Variants in SLC28A1 observed in about 807,000 individuals in gnomAD.
SLC28A1 encodes sodium/nucleoside cotransporter 1.
SLC28A1 carries 64 observed loss-of-function variants against 74.8 expected under a neutral mutation model. The ratio of observed to expected loss-of-function variants is 0.86; its 90% confidence interval spans 0.70 to 1.05. The LOEUF is 1.05. SLC28A1 is among the 50% of genes least tolerant of loss of function. The pLI, the probability that SLC28A1 is intolerant of heterozygous loss-of-function variation, is 0.00. For missense variants in SLC28A1, 828 were observed against 822.8 expected, an observed-to-expected ratio of 1.01 and a Z score of -0.08; for synonymous variants, 359 against 335.0, an observed-to-expected ratio of 1.07 and a Z score of -0.78.
At chr15:84,885,910 T>C (rs1964545542) in intron 1 of SLC28A1, among the ~76,000 whole-genome samples, 3 of 152,122 alleles carry the variant, frequency 2.0e-5, no homozygotes, top group Admixed American at 6.5e-5. Context: ...AAAAATGTTT[T>C]CAAAAAGAGG....
rs560549705 is a variant in SLC28A1 at position 84,918,568 on chromosome 15, C to T, written c.840C>T (p.Leu280=). ...IVFFSCVISV[L]YHVGLMQWVI... is the part of the protein sequence containing the mutation. ...TTTTCAGCTGTGTCATATCCGTTCT[C>T]TACCACGTGGGCCTCATGCAGTGGG... The change falls in exon 10 of 19, where the codon CTC becomes CTT. Residue 280 remains leucine (L), a synonymous_variant. Coordinates refer to ENST00000394573, the MANE Select transcript of SLC28A1 (RefSeq NM_004213.5). 5 of 1,613,898 alleles carry T rather than the reference C, an allele frequency of 3.1e-6. No individual in the cohort carries two copies. Among genetic ancestry groups the T allele is most frequent in the East Asian group, 4.5e-5 (2 of 44,898 alleles).
the SLC28A1 span, among the ~76,000 whole-genome samples, chr15:84,960,640 G>A: frequency 1.3e-5 from 2 of 152,260 alleles, no homozygotes; most frequent in East Asian, 1.9e-4. Context: ...CTGGATGTGG[G>A]TGATGGGCAG....
chr15:84,956,511 T>C, the SLC28A1 span, among the ~76,000 whole-genome samples: 1 of 135,728 alleles, frequency 7.4e-6, no homozygotes, highest in Non-Finnish European at 1.6e-5. Flanking sequence ...CCTTTTTCTT[T>C]CGACAGGGTC....
intron 9 of SLC28A1, among the ~76,000 whole-genome samples, chr15:84,915,564 C>T (rs1357480367): frequency 6.6e-6 from 1 of 152,174 alleles, no homozygotes; most frequent in African/African-American, 2.4e-5. Context: ...CTCACTTCCA[C>T]CTTGGCTCAC....
chr15:84,927,287 G>C (rs1266870205), intron 12 of SLC28A1, among the ~76,000 whole-genome samples: 1 of 152,172 alleles, frequency 6.6e-6, no homozygotes, highest in African/African-American at 2.4e-5. Context: ...ACAGGAGAAA[G>C]GCACACAAAT....
chr15:84,918,020 A>T (rs987891650), intron 9 of SLC28A1, among the ~76,000 whole-genome samples: 2 of 152,132 alleles, frequency 1.3e-5, no homozygotes, highest in Admixed American at 1.3e-4. Context: ...AATTCTGAGC[A>T]TGTTGGTGCT....
At chr15:84,935,727 G>C (rs549698098) in intron 15 of SLC28A1, among the ~76,000 whole-genome samples, 2 of 152,130 alleles carry the variant, frequency 1.3e-5, no homozygotes, top group African/African-American at 4.8e-5. Context: ...GCTGAGGTGC[G>C]GGGAGAGAGC....
the SLC28A1 span, among the ~76,000 whole-genome samples, chr15:84,958,995 G>A: frequency 6.6e-6 from 1 of 151,358 alleles, no homozygotes; most frequent in South Asian, 2.1e-4. Flanking sequence ...AGCTACTCGG[G>A]AGGCTGAGGC....
intron 15 of SLC28A1, among the ~76,000 whole-genome samples, chr15:84,936,186 G>T (rs905856736): frequency 3.3e-5 from 5 of 150,952 alleles, no homozygotes; most frequent in African/African-American, 1.2e-4. Flanking sequence ...CTCGTGATCT[G>T]CCCACCTCGG....
At chr15:84,953,678 C>CT in the SLC28A1 span, among the ~76,000 whole-genome samples, 1 of 152,138 alleles carries the variant, frequency 6.6e-6, no homozygotes, top group African/African-American at 2.4e-5. Context: ...GCTGTGATCA[C>CT]ACCACTGCAC....
the SLC28A1 span, chr15:84,961,680 G>C: frequency 3.0e-6 from 1 of 336,088 alleles, no homozygotes. Context: ...CTAAGATTCC[G>C]AGACTGTTAC....
At chr15:84,904,060 A>C (rs761471139) in intron 6 of SLC28A1, 37 bp from the exon 7 acceptor site, 1 of 1,613,678 alleles carries the variant, frequency 6.2e-7, no homozygotes, top group South Asian at 1.1e-5. Context: ...TGGGGGTGCA[A>C]TGCTGAGGGT....
At chr15:84,952,681 T>C in the SLC28A1 span, among the ~76,000 whole-genome samples, 2 of 151,572 alleles carry the variant, frequency 1.3e-5, no homozygotes, top group Non-Finnish European at 2.9e-5. Context: ...AGCCCGGGAG[T>C]TTGAGACCAG....
chr15:84,955,439 G>C, the SLC28A1 span, among the ~76,000 whole-genome samples: 3 of 152,222 alleles, frequency 2.0e-5, no homozygotes, highest in African/African-American at 4.8e-5. Context: ...CTTTGCATCA[G>C]TAAAGTAGCA....
the SLC28A1 span, among the ~76,000 whole-genome samples, chr15:84,956,804 C>G: frequency 6.6e-6 from 1 of 151,834 alleles, no homozygotes; most frequent in Non-Finnish European, 1.5e-5. Context: ...TGCACCTGGC[C>G]TCTTGCACAT....
In SLC28A1 at chr15:84,944,680, G is replaced by T; in HGVS notation, c.1762+16G>T. On this transcript the variant is annotated intron_variant, in intron 17 of 18. Transcript: ENST00000394573. Reference sequence around the variant, plus strand: ...TGTATGGCAGGTGAGTGCAGGCCTGGCAGGCTCAGAAGGTGGAACCCTGAC... The same window carrying T: ...TGTATGGCAGGTGAGTGCAGGCCTGTCAGGCTCAGAAGGTGGAACCCTGAC... 6.2e-7 allele frequency: 1 copy of T among 1,609,094 alleles called. No homozygotes were observed. Among genetic ancestry groups the T allele is most frequent in the Non-Finnish European group, 8.5e-7 (1 of 1,175,458 alleles).
chr15:84,900,081 C>A (rs1966495720), intron 6 of SLC28A1, among the ~76,000 whole-genome samples: 1 of 151,958 alleles, frequency 6.6e-6, no homozygotes, highest in Non-Finnish European at 1.5e-5. Flanking sequence ...ATTTGGGAGG[C>A]CGAGTTGGAC....
At chr15:84,894,055 A>G (rs8037320) in intron 5 of SLC28A1, among the ~76,000 whole-genome samples, 77,283 of 151,956 alleles carry the variant, frequency 0.51, 19,919 homozygotes, top group Middle Eastern at 0.55. Context: ...CATTCTTCGA[A>G]GATCCTGGAT....
intron 13 of SLC28A1, among the ~76,000 whole-genome samples, chr15:84,934,274 G>T (rs1052839780): frequency 1.3e-5 from 2 of 152,192 alleles, no homozygotes; most frequent in Non-Finnish European, 2.9e-5. Flanking sequence ...AGTGTGGCCT[G>T]GTTCTTGGTC....
Sources: gnomAD v4.1 joint callset for allele counts (sites outside exome capture counted in the v4.1 genomes callset) on GRCh38, gnomAD v4.1.1 for gene constraint, MANE v1.5 for transcripts, NCBI Gene and HGNC (gene_info 2026-07-23, HGNC 2026-07-21) for gene names.